KCNIP4: variants seen among roughly 807,000 people sequenced by gnomAD.
The protein encoded by KCNIP4 is Kv channel-interacting protein 4.
In KCNIP4, 12 loss-of-function variants were observed where a neutral mutation model predicts 34.0. The ratio of observed to expected loss-of-function variants is 0.35; its 90% CI spans 0.23 to 0.57. The LOEUF is 0.57. Ranked by LOEUF, KCNIP4 falls within the 20% of genes least tolerant of loss-of-function variation. KCNIP4 has a pLI of 0.83. For synonymous variants in KCNIP4, 124 were observed against 102.2 expected (o/e 1.21, Z -1.29); for missense variants, 238 against 311.7 (o/e 0.76, Z 1.78).
intron 1 of KCNIP4, among the ~76,000 whole-genome samples, chr4:21,105,312 G>A (rs138816047): frequency 0.16 from 24,458 of 151,232 alleles, 2,230 homozygotes; most frequent in South Asian, 0.22. Flanking sequence ...GGTCCTTCAC[G>A]TCCCTTGTAA....
Position 21,173,491 on chromosome 4 carries a change from C to T in KCNIP4, c.62-290782G>A, listed in dbSNP as rs369015343. Among the ~76,000 whole-genome samples, 5 of 152,076 alleles carry T rather than the reference C, an allele frequency of 3.3e-5. No individual in the cohort carries two copies. The East Asian group carries it at 5.8e-4, about 18-fold the overall frequency. On this transcript the variant is annotated intron_variant, in intron 1 of 8. Transcript: ENST00000382152. ...GGGGAGGAAGGCTCCCTTCCGGGTG[C>T]GGTGATCACAAAAGGCCCAAGCAAA...
At chr4:21,217,503 A>C (rs1757674285) in intron 1 of KCNIP4, among the ~76,000 whole-genome samples, 1 of 152,216 alleles carries the variant, frequency 6.6e-6, no homozygotes, top group East Asian at 1.9e-4. Context: ...GCAGGCCAGT[A>C]ACCTGTAGAA....
chr4:21,365,927 T>C (rs1260324951), intron 1 of KCNIP4, among the ~76,000 whole-genome samples: 4 of 152,224 alleles, frequency 2.6e-5, no homozygotes, highest in Non-Finnish European at 5.9e-5. Context: ...TGTTCTGCTA[T>C]TCTGTTTTCT....
intron 1 of KCNIP4, among the ~76,000 whole-genome samples, chr4:20,915,128 A>T (rs935193779): frequency 1.2e-4 from 18 of 152,302 alleles, no homozygotes; most frequent in African/African-American, 4.1e-4. Context: ...AGCATGACAT[A>T]TATTTTTCAA....
chr4:21,549,192 A>T (rs116313473), intron 1 of KCNIP4, among the ~76,000 whole-genome samples: 2,613 of 152,132 alleles, frequency 0.017, 49 homozygotes, highest in Non-Finnish European at 0.029. Context: ...CAATTATATG[A>T]TGTTTACTAC....
At chr4:21,242,024 C>G (rs1233554900) in intron 1 of KCNIP4, among the ~76,000 whole-genome samples, 1 of 151,636 alleles carries the variant, frequency 6.6e-6, no homozygotes, top group Non-Finnish European at 1.5e-5. Context: ...ATTAGCCAGG[C>G]GTGGTGGTGG....
intron 1 of KCNIP4, among the ~76,000 whole-genome samples, chr4:21,776,042 A>G (rs7700168): frequency 0.057 from 8,635 of 152,264 alleles, 820 homozygotes; most frequent in African/African-American, 0.19. Context: ...TAACCATTCT[A>G]GGGTTGGGAC....
chr4:20,959,744 A>G (rs1733669554), intron 1 of KCNIP4, among the ~76,000 whole-genome samples: 1 of 152,148 alleles, frequency 6.6e-6, no homozygotes, highest in Admixed American at 6.5e-5. Context: ...CAGAAACCTT[A>G]TCTTTAACGG....
chr4:21,675,312 G>T (rs953266710), intron 1 of KCNIP4, among the ~76,000 whole-genome samples: 1 of 152,092 alleles, frequency 6.6e-6, no homozygotes, highest in African/African-American at 2.4e-5. Flanking sequence ...GAGAAGTTGT[G>T]GGGGAGGTGA....
chr4:21,649,700 TTAAGA>T (rs1747322254), intron 1 of KCNIP4, among the ~76,000 whole-genome samples: 1 of 152,196 alleles, frequency 6.6e-6, no homozygotes, highest in Non-Finnish European at 1.5e-5. Flanking sequence ...TTCTGTGTAG[TTAAGA>T]TAAAGATAGC....
intron 1 of KCNIP4, among the ~76,000 whole-genome samples, chr4:21,366,012 G>A (rs973878178): frequency 2.0e-5 from 3 of 152,208 alleles, no homozygotes; most frequent in Non-Finnish European, 4.4e-5. Flanking sequence ...CCATGGTGAT[G>A]TTCAGAATGG....
At chr4:20,747,559 T>C (rs1377861042) in intron 5 of KCNIP4, among the ~76,000 whole-genome samples, 2 of 152,166 alleles carry the variant, frequency 1.3e-5, no homozygotes, top group African/African-American at 4.8e-5. Context: ...CCATCTCCTC[T>C]CCCTCCACTA....
chr4:21,843,135 A>G (rs1473265147), intron 1 of KCNIP4, among the ~76,000 whole-genome samples: 1 of 152,074 alleles, frequency 6.6e-6, no homozygotes, highest in African/African-American at 2.4e-5. Flanking sequence ...TCATCCTGTA[A>G]ATTAGCATCT....
intron 1 of KCNIP4, among the ~76,000 whole-genome samples, chr4:21,241,851 A>G (rs565300788): frequency 2.0e-5 from 3 of 151,092 alleles, no homozygotes; most frequent in East Asian, 3.9e-4. Context: ...ATGCTCGTCT[A>G]TATCATGGGA....
chr4:21,797,441 G>A (rs1345098310), intron 1 of KCNIP4, among the ~76,000 whole-genome samples: 1 of 151,604 alleles, frequency 6.6e-6, no homozygotes. Context: ...TACCATGCCT[G>A]GCCACCTCAT....
chr4:21,895,788 G>A (rs1227159081), intron 1 of KCNIP4, among the ~76,000 whole-genome samples: 2 of 152,168 alleles, frequency 1.3e-5, no homozygotes, highest in Non-Finnish European at 2.9e-5. Context: ...CTCAGATTGG[G>A]AATGGGAAAA....
intron 1 of KCNIP4, among the ~76,000 whole-genome samples, chr4:20,883,944 G>A (rs1724997409): frequency 6.6e-6 from 1 of 152,178 alleles, no homozygotes; most frequent in Non-Finnish European, 1.5e-5. Context: ...GGCCCTGTCT[G>A]AGTCTCTGGC....
At chr4:20,970,267 T>TG (rs1479869774) in intron 1 of KCNIP4, among the ~76,000 whole-genome samples, 13 of 152,134 alleles carry the variant, frequency 8.5e-5, no homozygotes, top group Admixed American at 8.5e-4. Context: ...ATGGTGGGAC[T>TG]GGGGGTATTT....
chr4:21,564,063 T>C (rs1560519586), intron 1 of KCNIP4, among the ~76,000 whole-genome samples: 1 of 152,188 alleles, frequency 6.6e-6, no homozygotes, highest in Non-Finnish European at 1.5e-5. Flanking sequence ...ATTGCTATTA[T>C]ATCCATTGAT....
Sources: allele counts gnomAD v4.1 joint callset (sites outside exome capture counted in the v4.1 genomes callset), GRCh38; gene constraint gnomAD v4.1.1; transcripts MANE v1.5; gene names NCBI Gene and HGNC (gene_info 2026-07-23, HGNC 2026-07-21).